The following LRP1B variants were observed in gnomAD, a reference collection of about 807,000 sequenced individuals.
LRP1B encodes the protein LDL receptor related protein 1B.
A neutral mutation model predicts 556.6 loss-of-function variants in LRP1B; 217 were observed. The observed-to-expected ratio is 0.39, with a 90% confidence interval of 0.35 to 0.44. The LOEUF is 0.44. LRP1B is among the 20% of genes least tolerant of loss of function. The probability of loss-of-function intolerance (pLI) is 1.00; values close to 1 mark genes in which losing one functional copy is unlikely to be tolerated. For missense variants in LRP1B, 5,053 were observed against 5,620.8 expected, an observed-to-expected ratio of 0.90 and a Z score of 3.23; for synonymous variants, 2,047 against 1,865.8, an observed-to-expected ratio of 1.10 and a Z score of -2.50.
intron 2 of LRP1B, among the ~76,000 whole-genome samples, chr2:141,611,415 T>A (rs894788762): frequency 1.3e-5 from 2 of 152,122 alleles, no homozygotes; most frequent in African/African-American, 4.8e-5. Flanking sequence ...GGTTGTGTCC[T>A]CCTCCTCACA....
intron 3 of LRP1B, among the ~76,000 whole-genome samples, chr2:141,277,872 T>C (rs1193203817): frequency 6.6e-6 from 1 of 152,118 alleles, no homozygotes; most frequent in Non-Finnish European, 1.5e-5. Flanking sequence ...GCAGATTATA[T>C]GTATTTGCAC....
At chr2:140,844,522 C>T (rs1692217642) in intron 29 of LRP1B, among the ~76,000 whole-genome samples, 2 of 150,864 alleles carry the variant, frequency 1.3e-5, no homozygotes, top group Admixed American at 1.3e-4. Flanking sequence ...TCATCATAAG[C>T]ATATGGGGGT....
At chr2:141,159,856 C>A (rs10176562) in intron 7 of LRP1B, among the ~76,000 whole-genome samples, 1 of 151,874 alleles carries the variant, frequency 6.6e-6, no homozygotes, top group Non-Finnish European at 1.5e-5. Context: ...CATGGATGAA[C>A]CTGGAAGCCA....
intron 7 of LRP1B, among the ~76,000 whole-genome samples, chr2:141,105,740 A>G (rs1297742389): frequency 6.6e-6 from 1 of 152,214 alleles, no homozygotes; most frequent in Non-Finnish European, 1.5e-5. Flanking sequence ...TGGCTTTTCA[A>G]AAAATGTATA....
chr2:141,955,800 G>T lies in LRP1B; in HGVS notation c.83-145399C>A, dbSNP rs185742761. Among the ~76,000 whole-genome samples the T allele has an allele frequency of 1.1e-3, 164 of 152,158 alleles. 1 individual carries two copies. The highest frequency in any genetic ancestry group is 3.8e-3 in the African/African-American group (158 of 41,540). On this transcript the variant is annotated intron_variant, in intron 1 of 90. Coordinates refer to ENST00000389484, the MANE Select transcript of LRP1B (RefSeq NM_018557.3). ...CAGTAGCCTGTCTCTGCATTTTCCA[G>T]TCTAGAGCTAGTAGTGATTCCTGTT...
intron 41 of LRP1B, among the ~76,000 whole-genome samples, chr2:140,628,178 G>C (rs1683736580): frequency 6.6e-6 from 1 of 152,124 alleles, no homozygotes; most frequent in African/African-American, 2.4e-5. Flanking sequence ...GTGTGTGACA[G>C]AGAGACAGAG....
At position 142,130,664 on chromosome 2, in the gene LRP1B, G is replaced by T. The variant is rs376587472; in HGVS notation, c.66C>A (p.Thr22=). The T allele has an allele frequency of 6.2e-7, 1 of 1,613,194 alleles. No individual in the cohort carries two copies. The highest frequency in any genetic ancestry group is 8.5e-7 in the Non-Finnish European group (1 of 1,179,546). The change falls in exon 1 of 91, where the codon ACC becomes ACA. Residue 22 remains threonine (T), a synonymous_variant. Transcript: ENST00000389484. ...SGLLPIARVL[T]VGADRDQQLC... ...TCTCCTTACCTCGGTCGGCTCCCAC[G>T]GTCAGCACCCTGGCAATCGGCAATA...
At chr2:141,917,138 G>A (rs554599121) in intron 1 of LRP1B, among the ~76,000 whole-genome samples, 9 of 152,218 alleles carry the variant, frequency 5.9e-5, no homozygotes, top group African/African-American at 1.9e-4. Flanking sequence ...ATTGAGAAAT[G>A]TACTCGAAAG....
intron 3 of LRP1B, among the ~76,000 whole-genome samples, chr2:141,328,712 G>A (rs1687522604): frequency 6.6e-6 from 1 of 152,206 alleles, no homozygotes; most frequent in South Asian, 2.1e-4. Flanking sequence ...AGCATACACA[G>A]TGCAAATGGA....
chr2:140,899,587 T>C (rs1573858116), intron 23 of LRP1B, among the ~76,000 whole-genome samples: 1 of 152,228 alleles, frequency 6.6e-6, no homozygotes, highest in Admixed American at 6.5e-5. Context: ...GCTGGTATGG[T>C]TAATCTAAGG....
intron 3 of LRP1B, among the ~76,000 whole-genome samples, chr2:141,424,722 G>A (rs1292709031): frequency 6.6e-6 from 1 of 152,016 alleles, no homozygotes; most frequent in African/African-American, 2.4e-5. Context: ...TGTTATTGCA[G>A]TGTTCTACAG....
chr2:140,768,328 A>T (rs1398821262), intron 35 of LRP1B, among the ~76,000 whole-genome samples: 3 of 151,872 alleles, frequency 2.0e-5, no homozygotes, highest in Non-Finnish European at 4.4e-5. Context: ...CTTTTTTTTA[A>T]TATTATAAAT....
chr2:141,327,849 A>G (rs1687482175), intron 3 of LRP1B, among the ~76,000 whole-genome samples: 1 of 149,530 alleles, frequency 6.7e-6, no homozygotes. Flanking sequence ...ATTGAAAGAC[A>G]GATGGGTAGG....
rs1358756690 is a variant in LRP1B at position 141,005,417 on chromosome 2, T to G, written c.2421A>C (p.Thr807=). The change falls in exon 15 of 91, where the codon ACA becomes ACC. Residue 807 remains threonine (T), a synonymous_variant. Coordinates refer to ENST00000389484, the MANE Select transcript of LRP1B (RefSeq NM_018557.3). ...GGCCTCCTGGGATAGCCAAGCAAAG[T>G]GTACTACAGCCCCCATTATTTACTC... The part of the protein sequence containing the change: ...MCRVNNGGCS[T]LCLAIPGGRV... 1 of 1,611,648 alleles carries G rather than the reference T, an allele frequency of 6.2e-7. No individual in the cohort carries two copies. The highest frequency in any genetic ancestry group is 2.2e-5 in the East Asian group (1 of 44,722).
intron 35 of LRP1B, among the ~76,000 whole-genome samples, chr2:140,768,764 G>A (rs1403176250): frequency 6.6e-6 from 1 of 151,980 alleles, no homozygotes; most frequent in Middle Eastern, 3.4e-3. Flanking sequence ...CAGTGGTGTA[G>A]CATGTATAAT....
chr2:141,928,980 A>G (rs900592673), intron 1 of LRP1B, among the ~76,000 whole-genome samples: 2 of 152,100 alleles, frequency 1.3e-5, no homozygotes, highest in African/African-American at 4.8e-5. Context: ...GTAGGAGAGC[A>G]TATTCCTGTT....
intron 1 of LRP1B, among the ~76,000 whole-genome samples, chr2:141,827,113 G>T (rs1320731152): frequency 6.6e-6 from 1 of 152,152 alleles, no homozygotes; most frequent in African/African-American, 2.4e-5. Flanking sequence ...TAAATAAGAT[G>T]TCACCTCATT....
chr2:141,112,371 T>A lies in LRP1B; in HGVS notation c.1014-50098A>T, dbSNP rs544304193. Among the ~76,000 whole-genome samples, 3 of 152,256 alleles carry A rather than the reference T, an allele frequency of 2.0e-5. No individual in the cohort carries two copies. In the South Asian group the frequency reaches 6.2e-4, roughly 32 times the overall value. On this transcript the variant is annotated intron_variant, in intron 7 of 90. Transcript: ENST00000389484. Reference sequence around the variant, plus strand: ...CTTTTCACAGTCTTTTAATACCACATTTTTCTAATTCTTTGCTTTTGGTTG... The same window carrying A: ...CTTTTCACAGTCTTTTAATACCACAATTTTCTAATTCTTTGCTTTTGGTTG...
intron 2 of LRP1B, among the ~76,000 whole-genome samples, chr2:141,514,849 C>T (rs969291725): frequency 6.6e-6 from 1 of 152,080 alleles, no homozygotes; most frequent in African/African-American, 2.4e-5. Context: ...AAGTAAAAAA[C>T]ACAGAATGAT....
Sources: allele counts gnomAD v4.1 joint callset (sites outside exome capture counted in the v4.1 genomes callset), GRCh38; gene constraint gnomAD v4.1.1; transcripts MANE v1.5; gene names NCBI Gene and HGNC (gene_info 2026-07-23, HGNC 2026-07-21).